Variants in LRRC37A observed in about 807,000 individuals in gnomAD.
LRRC37A encodes leucine-rich repeat-containing protein 37A.
LRRC37A carries 3 observed loss-of-function variants against 35.4 expected under a neutral mutation model. That is an observed-to-expected ratio of 0.08 (90% CI 0.04 to 0.22). The LOEUF (loss-of-function observed/expected upper bound fraction) is 0.22. LRRC37A is among the 10% of genes least tolerant of loss of function. The probability of loss-of-function intolerance (pLI) is 1.00; values close to 1 mark genes in which losing one functional copy is unlikely to be tolerated. For synonymous variants in LRRC37A, 23 were observed against 215.0 expected (o/e 0.11, Z 7.81); for missense variants, 67 against 565.3 (o/e 0.12, Z 8.94).
chr17:46,316,223 CA>C lies in LRRC37A; in HGVS notation c.2907-6098del, dbSNP rs755145307. The stretch of plus-strand genomic sequence containing the variant: ...ACAGGCCTGAGCCACTGCGCCCAGC[CA>C]GTGCTTTTTATTTCTTTGTGCAGAT... On this transcript the variant is annotated intron_variant, in intron 5 of 13. Transcript: ENST00000320254. Among the ~76,000 whole-genome samples, 30 of 18,164 alleles carry C rather than the reference CA, an allele frequency of 1.7e-3. 1 individual carries two copies. In the East Asian group the frequency reaches 0.019, roughly 11 times the overall value. The allele number at this position is 18,164 out of a possible 152,430, so 11.9% of individuals were successfully genotyped here. A position where few individuals can be genotyped will look rare whatever the true frequency, so the allele number is the denominator to read the frequency against.
At chr17:46,310,172 TG>T (rs1452266376) in intron 5 of LRRC37A, 1 of 69,590 alleles carries the variant, frequency 1.4e-5, no homozygotes. Context: ...CTTAGAACAG[TG>T]CTTGGCCTAT....
chr17:46,267,074 G>C, the LRRC37A span: 2 of 321,918 alleles, frequency 6.2e-6, no homozygotes, highest in Non-Finnish European at 1.1e-5. Context: ...CAGGGACGCG[G>C]AGCCCGGCGC....
At chr17:46,286,932 G>C in the LRRC37A span, among the ~76,000 whole-genome samples, 18,396 of 152,072 alleles carry the variant, frequency 0.12, no homozygotes, top group Non-Finnish European at 0.18. Context: ...CTCCATAATA[G>C]CAGTTAGTAC....
chr17:46,311,152 A>T (rs1338378102), intron 5 of LRRC37A: 2 of 360,060 alleles, frequency 5.6e-6, no homozygotes, highest in East Asian at 6.5e-5. Flanking sequence ...AAAAAAAAAA[A>T]AAAAAGGAAA....
rs1268150354 is a variant in LRRC37A, at chr17:46,327,490, G to A, written c.3054-902G>A. 1.5e-4 allele frequency among the ~76,000 whole-genome samples: 3 copies of A among 20,588 alleles called. 1 individual carries two copies. Among genetic ancestry groups the A allele is most frequent in the African/African-American group, 2.5e-4 (3 of 12,224 alleles). The allele number at this position is 20,588 out of a possible 152,430, so 13.5% of individuals were successfully genotyped here. On this transcript the variant is annotated intron_variant, in intron 7 of 13. Transcript: ENST00000320254. ...AGCCTATACTCCCAGCTACTCAGGA[G>A]GCTGAATTTGGAGGATCCCTTGAGC...
At chr17:46,285,840 C>T in the LRRC37A span, among the ~76,000 whole-genome samples, 1 of 152,208 alleles carries the variant, frequency 6.6e-6, no homozygotes, top group East Asian at 1.9e-4. Flanking sequence ...CCTAGAAATG[C>T]TTCCAAAATT....
chr17:46,272,294 T>C, the LRRC37A span, among the ~76,000 whole-genome samples: 1 of 152,264 alleles, frequency 6.6e-6, no homozygotes. Context: ...GTTTACTGCC[T>C]GGATTATTGA....
upstream of LRRC37A, among the ~76,000 whole-genome samples, chr17:46,290,010 T>C (rs1269381687): frequency 2.6e-5 from 4 of 152,364 alleles, no homozygotes; most frequent in Admixed American, 1.3e-4. Flanking sequence ...TGCCAACTAC[T>C]TGGAAGGCTG....
At chr17:46,279,791 A>G in the LRRC37A span, among the ~76,000 whole-genome samples, 17,413 of 150,560 alleles carry the variant, frequency 0.12, no homozygotes, top group Non-Finnish European at 0.18. Flanking sequence ...CACCATTCCC[A>G]GCCAACAGGC....
the LRRC37A span, among the ~76,000 whole-genome samples, chr17:46,287,512 T>C: frequency 6.6e-6 from 1 of 152,264 alleles, no homozygotes; most frequent in Non-Finnish European, 1.5e-5. Context: ...CAAAATATGC[T>C]AAGAAGAAGA....
At chr17:46,278,403 T>A in the LRRC37A span, among the ~76,000 whole-genome samples, 3,649 of 140,928 alleles carry the variant, frequency 0.026, 131 homozygotes, top group African/African-American at 0.083. Context: ...TTTATTTTGT[T>A]TTTTTTTTGT....
At chr17:46,257,603 C>A in the LRRC37A span, among the ~76,000 whole-genome samples, 6 of 151,600 alleles carry the variant, frequency 4.0e-5, no homozygotes, top group East Asian at 1.2e-3. Context: ...TACTTGAACC[C>A]AGGAGTTCCA....
the LRRC37A span, chr17:46,275,258 A>G: frequency 2.0e-6 from 1 of 500,564 alleles, no homozygotes; most frequent in African/African-American, 2.2e-5. Flanking sequence ...TATGACCAAT[A>G]AAAACAAAGT....
chr17:46,323,720 G>C (rs2051533858), intron 7 of LRRC37A, among the ~76,000 whole-genome samples: 1 of 104,350 alleles, frequency 9.6e-6, no homozygotes, highest in Non-Finnish European at 2.3e-5. Flanking sequence ...TTTTTTTTGA[G>C]ATTATGCTAC....
chr17:46,320,882 AT>A (rs538708422), intron 5 of LRRC37A, among the ~76,000 whole-genome samples: 3 of 16 alleles, frequency 0.19, no homozygotes, highest in Admixed American at 0.5. Context: ...TATCTACCAC[AT>A]AAGGTATTTG....
At chr17:46,260,620 C>CA in the LRRC37A span, 7 of 1,076,426 alleles carry the variant, frequency 6.5e-6, no homozygotes, top group Non-Finnish European at 8.7e-6. Flanking sequence ...TCTCTATTCT[C>CA]TTTTTTTTTT....
chr17:46,254,058 T>C, the LRRC37A span, among the ~76,000 whole-genome samples: 7 of 152,184 alleles, frequency 4.6e-5, no homozygotes, highest in Admixed American at 2.0e-4. Flanking sequence ...TCCTTTTTTG[T>C]AGGACCAGAC....
At chr17:46,286,005 T>A in the LRRC37A span, among the ~76,000 whole-genome samples, 2 of 152,238 alleles carry the variant, frequency 1.3e-5, no homozygotes, top group East Asian at 3.8e-4. Context: ...ACAGACATAC[T>A]CATCAATGAG....
At chr17:46,261,069 G>A in the LRRC37A span, among the ~76,000 whole-genome samples, 41 of 152,300 alleles carry the variant, frequency 2.7e-4, no homozygotes, top group South Asian at 8.5e-3. Context: ...GGAAAGGATG[G>A]GAAGGGGGTG....
Sources: allele counts gnomAD v4.1 joint callset (sites outside exome capture counted in the v4.1 genomes callset), GRCh38; gene constraint gnomAD v4.1.1; transcripts MANE v1.5; gene names NCBI Gene and HGNC (gene_info 2026-07-23, HGNC 2026-07-21).